DNAH11: variants seen among roughly 807,000 people sequenced by gnomAD.
The protein encoded by DNAH11 is axonemal beta dynein heavy chain 11.
Under a neutral mutation model 526.0 loss-of-function variants are expected in DNAH11, and 442 were observed. The observed-to-expected ratio is 0.84, with a 90% CI of 0.78 to 0.91. DNAH11 has a LOEUF of 0.91. Among genes scored for constraint, DNAH11 ranks in the 40% least tolerant of loss-of-function variants. DNAH11 has a pLI of 0.00. For synonymous variants in DNAH11, 2,461 were observed against 1,935.9 expected (o/e 1.27, Z -7.12); for missense variants, 6,989 against 5,448.7 (o/e 1.28, Z -8.90).
At chr7:21,845,022 C>T (rs1034966275) in intron 66 of DNAH11, among the ~76,000 whole-genome samples, 2 of 151,974 alleles carry the variant, frequency 1.3e-5, no homozygotes, top group Non-Finnish European at 2.9e-5. Flanking sequence ...GATCAGGGAC[C>T]GTGTCTGTAA....
chr7:21,587,530 C>A (rs1784515508), intron 9 of DNAH11, among the ~76,000 whole-genome samples: 2 of 152,138 alleles, frequency 1.3e-5, no homozygotes, highest in Admixed American at 6.5e-5. Flanking sequence ...GTCCTTGTAA[C>A]AGTCACCACT....
In DNAH11 at chr7:21,735,767, C is replaced by T. The variant is rs775851397; in HGVS notation, c.7568C>T (p.Thr2523Ile). 1 of 1,613,952 alleles carries T rather than the reference C, an allele frequency of 6.2e-7. No homozygotes were observed. The highest frequency in any genetic ancestry group is 8.5e-7 in the Non-Finnish European group (1 of 1,179,882). Residue 2523 changes from threonine to isoleucine, a missense_variant, in exon 46 of 82, where the codon ACA becomes ATA. Transcript: ENST00000409508. ...GGAAAAACAGTCTTTGTAGGTGACA[C>T]ATTGGCAAGTCTCTCTGAGGATTAC... ...GVGKTVFVGD[T>I]LASLSEDYIV...
intron 14 of DNAH11, among the ~76,000 whole-genome samples, chr7:21,593,497 G>A (rs925694855): frequency 3.3e-5 from 5 of 152,152 alleles, no homozygotes; most frequent in African/African-American, 1.2e-4. Context: ...AGTGGTTGAT[G>A]TTTCAGGATG....
At chr7:21,787,061 T>C (rs940784795) in intron 59 of DNAH11, among the ~76,000 whole-genome samples, 2 of 152,202 alleles carry the variant, frequency 1.3e-5, no homozygotes, top group Non-Finnish European at 2.9e-5. Context: ...CATGGATTTC[T>C]TAGGCTGGAA....
chr7:21,764,685 C>A (rs1268478322), intron 54 of DNAH11, among the ~76,000 whole-genome samples: 5 of 152,224 alleles, frequency 3.3e-5, no homozygotes, highest in African/African-American at 9.6e-5. Context: ...CTGTGACCTA[C>A]TGTCATAGCC....
At chr7:21,893,236 T>G (rs548209767) in intron 77 of DNAH11, among the ~76,000 whole-genome samples, 3 of 152,340 alleles carry the variant, frequency 2.0e-5, no homozygotes, top group African/African-American at 7.2e-5. Context: ...GGGTATAATG[T>G]GTAGCTTTAA....
In DNAH11 at chr7:21,717,803, C is replaced by A; in HGVS notation, c.7012C>A (p.Arg2338=). 6.2e-7 allele frequency: 1 copy of A among 1,613,696 alleles called. No individual in the cohort carries two copies. Among genetic ancestry groups the A allele is most frequent in the Non-Finnish European group, 8.5e-7 (1 of 1,179,786 alleles). ...TGTGGCCAGTTGGATAGACAGAAGG[C>A]GGCATCAATCAGAAAAGGCCAATTT... ...PYVASWIDRR[R]HQSEKANLTI... is the part of the protein sequence containing the mutation. Residue 2338 remains arginine (R), a synonymous_variant, in exon 43 of 82, where the codon CGG becomes AGG. Coordinates refer to ENST00000409508, the MANE Select transcript of DNAH11 (RefSeq NM_001277115.2).
chr7:21,798,812 ATTAGG>A (rs1788833630), intron 61 of DNAH11, among the ~76,000 whole-genome samples: 1 of 152,224 alleles, frequency 6.6e-6, no homozygotes, highest in Non-Finnish European at 1.5e-5. Context: ...AGTCATTAAA[ATTAGG>A]TTTGCAAAAA....
rs775229962 is a variant in DNAH11, at chr7:21,745,006, A to G, written c.8453A>G (p.Tyr2818Cys). ...ATTCTTACAGAAACGTTAGACAACT[A>G]CAATGAACTAAATGCTGCCATGCAC... ...KTILTETLDN[Y>C]NELNAAMHLV... Residue 2818 changes from tyrosine (Y) to cysteine (C), a missense_variant, in exon 51 of 82, where the codon TAC becomes TGC. Transcript: ENST00000409508. The G allele has an allele frequency of 1.4e-5, 22 of 1,610,070 alleles. No homozygotes were observed. The highest frequency in any genetic ancestry group is 6.7e-5 in the East Asian group (3 of 44,780).
At chr7:21,820,684 G>C (rs1583734976) in intron 65 of DNAH11, among the ~76,000 whole-genome samples, 2 of 152,114 alleles carry the variant, frequency 1.3e-5, no homozygotes, top group Admixed American at 1.3e-4. Context: ...TTGATCCCTA[G>C]GTTGGCCTTT....
chr7:21,636,949 C>T (rs1271415932), intron 26 of DNAH11, among the ~76,000 whole-genome samples: 1 of 152,002 alleles, frequency 6.6e-6, no homozygotes, highest in East Asian at 1.9e-4. Flanking sequence ...ATAGAAAGCA[C>T]GTGGCATGGT....
intron 80 of DNAH11, among the ~76,000 whole-genome samples, chr7:21,899,701 T>C (rs1159659675): frequency 6.6e-6 from 1 of 152,098 alleles, no homozygotes; most frequent in Non-Finnish European, 1.5e-5. Context: ...TATTAAACAT[T>C]TTCTGGAAAG....
chr7:21,657,951 T>C (rs926427570), intron 29 of DNAH11, among the ~76,000 whole-genome samples: 11 of 152,216 alleles, frequency 7.2e-5, no homozygotes, highest in African/African-American at 2.4e-4. Context: ...AGTTGTATCA[T>C]CTTCAGAATC....
chr7:21,790,428 C>G (rs184361099), intron 61 of DNAH11, among the ~76,000 whole-genome samples: 1 of 152,014 alleles, frequency 6.6e-6, no homozygotes, highest in South Asian at 2.1e-4. Context: ...CCAGCCTGGG[C>G]GACAGAGCAA....
chr7:21,750,190 C>G lies in DNAH11; in HGVS notation c.8798-32C>G, dbSNP rs762236792. 1.9e-6 allele frequency: 3 copies of G among 1,547,536 alleles called. No individual in the cohort carries two copies. In the African/African-American group the frequency reaches 4.2e-5, roughly 21 times the overall value. On this transcript the variant is annotated intron_variant, in intron 53 of 81. Coordinates refer to ENST00000409508, the MANE Select transcript of DNAH11 (RefSeq NM_001277115.2). The stretch of plus-strand genomic sequence containing the variant: ...TATGTAAAATTTAAATTGCAATGAT[C>G]TTTTAGTAATTCTACTCATTCTTTG...
chr7:21,797,885 G>C (rs1244983549), intron 61 of DNAH11, among the ~76,000 whole-genome samples: 1 of 152,162 alleles, frequency 6.6e-6, no homozygotes, highest in African/African-American at 2.4e-5. Context: ...AGTGATATTT[G>C]CACACCAAGC....
Position 21,816,561 on chromosome 7 carries a change from A to T in DNAH11, c.10427A>T (p.Asp3476Val), listed in dbSNP as rs769257503. ...TGGAATAACGAAGGACTGCCCAGTG[A>T]CAGAATGTCCACCGAAAATGCCGCT... is the stretch of plus-strand genomic sequence containing the variant. Reference protein sequence around the residue: ...AAWNNEGLPSDRMSTENAAIL... With the variant: ...AAWNNEGLPSVRMSTENAAIL... Residue 3476 changes from aspartate (D) to valine (V), a missense_variant, in exon 64 of 82, where the codon GAC becomes GTC. Coordinates refer to ENST00000409508, the MANE Select transcript of DNAH11 (RefSeq NM_001277115.2). 5 of 1,613,226 alleles carry T rather than the reference A, an allele frequency of 3.1e-6. No homozygotes were observed. The highest frequency in any genetic ancestry group is 3.4e-6 in the Non-Finnish European group (4 of 1,179,738).
chr7:21,876,933 T>G (rs949533086), intron 74 of DNAH11, among the ~76,000 whole-genome samples: 3 of 152,248 alleles, frequency 2.0e-5, no homozygotes, highest in African/African-American at 7.2e-5. Flanking sequence ...AGCTAAAAAT[T>G]AGCAAGAAGA....
At chr7:21,623,182 G>T (rs1177615279) in intron 25 of DNAH11, among the ~76,000 whole-genome samples, 1 of 152,184 alleles carries the variant, frequency 6.6e-6, no homozygotes, top group Non-Finnish European at 1.5e-5. Context: ...CTCAAAAGAA[G>T]ACATTTATGC....
Sources: gnomAD v4.1 joint callset for allele counts (sites outside exome capture counted in the v4.1 genomes callset) on GRCh38, gnomAD v4.1.1 for gene constraint, MANE v1.5 for transcripts, NCBI Gene and HGNC (gene_info 2026-07-23, HGNC 2026-07-21) for gene names.